The following CLMN variants were observed in gnomAD, a reference collection of about 807,000 sequenced individuals.
The protein encoded by CLMN is calmin.
In CLMN, 57 loss-of-function variants were observed where a neutral mutation model predicts 92.7. That is an observed-to-expected ratio of 0.61 (90% confidence interval 0.50 to 0.77). CLMN has a LOEUF of 0.77. CLMN is among the 30% of genes least tolerant of loss of function. CLMN has a pLI of 0.00. For synonymous variants in CLMN, 466 were observed against 470.6 expected, an observed-to-expected ratio of 0.99 and a Z score of 0.13; for missense variants, 1,158 against 1,237.5, an observed-to-expected ratio of 0.94 and a Z score of 0.96.
intron 4 of CLMN, 27 bp downstream of exon 4, chr14:95,221,664 T>C: frequency 6.3e-7 from 1 of 1,597,672 alleles, no homozygotes; most frequent in Non-Finnish European, 8.6e-7. Context: ...CAAGCTTGTG[T>C]TAGCAGGATG....
intron 1 of CLMN, among the ~76,000 whole-genome samples, chr14:95,283,426 T>C (rs1454187062): frequency 2.0e-5 from 3 of 152,174 alleles, no homozygotes; most frequent in African/African-American, 2.4e-5. Flanking sequence ...GAGTGCAGCA[T>C]TGCTGAAAAG....
At chr14:95,223,341 G>A (rs1897607135) in intron 3 of CLMN, among the ~76,000 whole-genome samples, 1 of 152,146 alleles carries the variant, frequency 6.6e-6, no homozygotes, top group Non-Finnish European at 1.5e-5. Flanking sequence ...AGACCAGCTG[G>A]CTCAACTTCA....
chr14:95,221,035 A>G (rs1459223833), intron 4 of CLMN, among the ~76,000 whole-genome samples: 1 of 152,160 alleles, frequency 6.6e-6, no homozygotes, highest in Non-Finnish European at 1.5e-5. Context: ...ACTATGAAGA[A>G]CCCCAGATGA....
chr14:95,246,747 G>A (rs1237879588), intron 1 of CLMN, among the ~76,000 whole-genome samples: 1 of 152,218 alleles, frequency 6.6e-6, no homozygotes, highest in Non-Finnish European at 1.5e-5. Flanking sequence ...AACTACAGGC[G>A]TGAGCCACGG....
intron 1 of CLMN, among the ~76,000 whole-genome samples, chr14:95,284,460 C>T (rs1043348451): frequency 3.7e-4 from 56 of 152,190 alleles, no homozygotes; most frequent in African/African-American, 1.3e-3. Context: ...TGACAGCTTA[C>T]ACCATGTGCC....
At chr14:95,266,228 G>A (rs1313128518) in intron 1 of CLMN, among the ~76,000 whole-genome samples, 2 of 152,160 alleles carry the variant, frequency 1.3e-5, no homozygotes, top group South Asian at 2.1e-4. Flanking sequence ...AGAAAGAAAC[G>A]AAGGGCATCC....
At chr14:95,255,743 CAG>C in intron 1 of CLMN, among the ~76,000 whole-genome samples, 1 of 152,300 alleles carries the variant, frequency 6.6e-6, no homozygotes, top group Admixed American at 6.5e-5. Context: ...TTCCTCAAGT[CAG>C]TGCCGTATTT....
At chr14:95,234,175 G>A (rs963321358) in intron 1 of CLMN, among the ~76,000 whole-genome samples, 48 of 152,152 alleles carry the variant, frequency 3.2e-4, no homozygotes, top group African/African-American at 1.1e-3. Context: ...GAATGAGGTT[G>A]GCCATGCCTC....
At chr14:95,289,933 TCGCCAC>T (rs1900498866) in intron 1 of CLMN, among the ~76,000 whole-genome samples, 1 of 152,204 alleles carries the variant, frequency 6.6e-6, no homozygotes, top group East Asian at 1.9e-4. Context: ...TTGTGTGTAA[TCGCCAC>T]CTAAGACAGG....
chr14:95,213,945 TCTAA>T (rs1380352802), intron 5 of CLMN, among the ~76,000 whole-genome samples: 1 of 152,052 alleles, frequency 6.6e-6, no homozygotes, highest in Middle Eastern at 3.2e-3. Context: ...GTAGGTTACG[TCTAA>T]CTTAGTTTGA....
chr14:95,275,945 G>A (rs887364961), intron 1 of CLMN, among the ~76,000 whole-genome samples: 1 of 151,724 alleles, frequency 6.6e-6, no homozygotes, highest in African/African-American at 2.4e-5. Context: ...TTACAGGCAT[G>A]AGCCACCATG....
intron 1 of CLMN, among the ~76,000 whole-genome samples, chr14:95,275,185 C>A (rs183028557): frequency 5.2e-4 from 79 of 152,180 alleles, no homozygotes; most frequent in Non-Finnish European, 3.7e-4. Context: ...GTAACTCCAT[C>A]TTGAATAGGG....
chr14:95,198,042 C>CTTTTTTTT (rs1019598103), intron 9 of CLMN, among the ~76,000 whole-genome samples: 25 of 69,946 alleles, frequency 3.6e-4, no homozygotes, highest in Non-Finnish European at 5.0e-4. Context: ...TTTTTTCTTT[C>CTTTTTTTT]TTTTTTTTTT....
intron 1 of CLMN, among the ~76,000 whole-genome samples, chr14:95,279,338 A>G (rs192365278): frequency 6.6e-6 from 1 of 152,340 alleles, no homozygotes; most frequent in Non-Finnish European, 1.5e-5. Flanking sequence ...CTATGACTTG[A>G]TAATTGCTCA....
intron 8 of CLMN, 118 bp from the exon 9 acceptor site, chr14:95,204,581 A>C (rs12882788): frequency 0.073 from 70,232 of 968,232 alleles, 3,859 homozygotes; most frequent in African/African-American, 0.23. Flanking sequence ...CACCTTTCCC[A>C]AAACACAAAC....
rs1028539551 is a variant in CLMN at position 95,283,382 on chromosome 14, A to G, written c.82+36329T>C. On this transcript the variant is annotated intron_variant, in intron 1 of 12. Coordinates refer to ENST00000298912, the MANE Select transcript of CLMN (RefSeq NM_024734.4). ...CGGGTATGTCTTTATCAGCAGTGTG[A>G]AAAATGAACTAATACAGTAAATTGG... Among the ~76,000 whole-genome samples, 47 of 152,206 alleles carry G rather than the reference A, an allele frequency of 3.1e-4. 1 individual carries two copies. The highest frequency in any genetic ancestry group is 1.1e-3 in the African/African-American group (47 of 41,448).
intron 12 of CLMN, chr14:95,193,382 T>A (rs900014095): frequency 3.3e-6 from 5 of 1,534,948 alleles, no homozygotes; most frequent in Non-Finnish European, 4.4e-6. Flanking sequence ...CATAAAACTG[T>A]AAAATCAGCT....
intron 1 of CLMN, among the ~76,000 whole-genome samples, chr14:95,310,887 C>T (rs1901508025): frequency 6.6e-6 from 1 of 152,162 alleles, no homozygotes; most frequent in South Asian, 2.1e-4. Flanking sequence ...TCAAGGAAGG[C>T]CAGGAGAGGT....
At chr14:95,222,641 A>G in intron 3 of CLMN, 1 of 452,890 alleles carries the variant, frequency 2.2e-6, no homozygotes. Context: ...GAGCATAAAC[A>G]AGGGACTAGA....
Sources: gnomAD v4.1 joint callset for allele counts (sites outside exome capture counted in the v4.1 genomes callset) on GRCh38, gnomAD v4.1.1 for gene constraint, MANE v1.5 for transcripts, NCBI Gene and HGNC (gene_info 2026-07-23, HGNC 2026-07-21) for gene names.